PUF60: variants seen among roughly 807,000 people sequenced by gnomAD.
PUF60 encodes the protein poly(U)-binding-splicing factor PUF60.
In PUF60, 10 loss-of-function variants were observed where a neutral mutation model predicts 61.8. The ratio of observed to expected loss-of-function variants is 0.16; its 90% confidence interval spans 0.10 to 0.27. The LOEUF is 0.27. PUF60 is among the 10% of genes least tolerant of loss of function. PUF60 has a pLI of 1.00. For synonymous variants in PUF60, 353 were observed against 300.9 expected (o/e 1.17, Z -1.79); for missense variants, 371 against 754.0 (o/e 0.49, Z 5.95).
At chr8:143,820,639 C>T (rs754198605) in intron 5 of PUF60, 27 bp downstream of exon 5, 1 of 1,607,228 alleles carries the variant, frequency 6.2e-7, no homozygotes, top group South Asian at 1.1e-5. Context: ...GACATGAGCC[C>T]CGGAAGAAGT....
chr8:143,824,796 A>G (rs1031107665), intron 1 of PUF60: 1 of 238,044 alleles, frequency 4.2e-6, no homozygotes, highest in Admixed American at 5.1e-5. Context: ...ACCTGTACAC[A>G]CCTTGGCCAG....
intron 1 of PUF60, among the ~76,000 whole-genome samples, chr8:143,826,267 G>A (rs1817624623): frequency 6.6e-6 from 1 of 152,220 alleles, no homozygotes; most frequent in African/African-American, 2.4e-5. Flanking sequence ...GAGCAAAGAA[G>A]AGTATTTCCA....
Position 143,816,432 on chromosome 8 carries a change from G to A in PUF60, c.*88C>T. 1 of 1,433,780 alleles carries A rather than the reference G, an allele frequency of 7.0e-7. No individual in the cohort carries two copies. Among genetic ancestry groups the A allele is most frequent in the Non-Finnish European group, 9.4e-7 (1 of 1,068,762 alleles). 88.8% of individuals were successfully genotyped at this position (1,433,780 alleles called of 1,614,324 possible). On this transcript the variant is annotated 3_prime_UTR_variant, in exon 12 of 12. Coordinates refer to ENST00000526683, the MANE Select transcript of PUF60 (RefSeq NM_078480.3). ...CGCACTGTAGGCTGGGCTGGGCAGA[G>A]CGCGCCTGGCCCCGGGGACACCACT...
At position 143,816,378 on chromosome 8, in the gene PUF60, T is replaced by C. The variant is rs1363980304; in HGVS notation, c.*142A>G. ...GGACCGACGGCAGACACACGGACGT[T>C]CAGGGCCAGCAGCATCCGCACCTTT... On this transcript the variant is annotated 3_prime_UTR_variant, in exon 12 of 12. Coordinates refer to ENST00000526683, the MANE Select transcript of PUF60 (RefSeq NM_078480.3). 5.3e-6 allele frequency: 5 copies of C among 949,878 alleles called. No individual in the cohort carries two copies. The East Asian group carries it at 7.9e-5, about 15-fold the overall frequency. 58.8% of individuals were successfully genotyped at this position (949,878 alleles called of 1,614,324 possible). A position where few individuals can be genotyped will look rare whatever the true frequency, so the allele number is the denominator to read the frequency against.
Position 143,824,088 on chromosome 8 carries a change from G to A in PUF60, c.111+225C>T, listed in dbSNP as rs1043581515. ...GTGCTTGGAGCAGGGCAGATGCAGA[G>A]GGCAAAGGCCAGCTCAGTGCCTGGG... is the stretch of plus-strand genomic sequence containing the variant. On this transcript the variant is annotated intron_variant, in intron 2 of 11. Transcript: ENST00000526683. Among the ~76,000 whole-genome samples, 19 of 152,250 alleles carry A rather than the reference G, an allele frequency of 1.2e-4. 1 individual carries two copies. The highest frequency in any genetic ancestry group is 4.8e-5 in the African/African-American group (2 of 41,464).
At position 143,818,567 on chromosome 8, in the gene PUF60, C is replaced by A; in HGVS notation, c.349-33G>T. 1 of 1,540,778 alleles carries A rather than the reference C, an allele frequency of 6.5e-7. No homozygotes were observed. The highest frequency in any genetic ancestry group is 1.2e-5 in the South Asian group (1 of 83,764). ...AGGACAGAGGGGAGAGAACCGCTGG[C>A]TCGTCAGGGGCGGCAGGAAGCTGGG... is the stretch of plus-strand genomic sequence containing the variant. On this transcript the variant is annotated intron_variant, in intron 5 of 11. Coordinates refer to ENST00000526683, the MANE Select transcript of PUF60 (RefSeq NM_078480.3). This position sits in a 1 kb window ranked among gnomAD's most constrained non-coding sequence, Gnocchi z 7.9.
chr8:143,824,151 G>C (rs540303262), intron 2 of PUF60, among the ~76,000 whole-genome samples, 162 bp downstream of exon 2: 1 of 152,236 alleles, frequency 6.6e-6, no homozygotes, highest in African/African-American at 2.4e-5. Context: ...AGAGGGCCGT[G>C]GTCCTGCGGG....
At chr8:143,822,781 C>G (rs1817169509) in intron 2 of PUF60, 2 of 346,094 alleles carry the variant, frequency 5.8e-6, no homozygotes, top group African/African-American at 2.1e-5. Context: ...GCATGGCTAG[C>G]AGGCCCATCA....
chr8:143,817,565 C>G lies in PUF60; in HGVS notation c.1008+27G>C. 6.2e-7 allele frequency: 1 copy of G among 1,609,736 alleles called. No homozygotes were observed. The highest frequency in any genetic ancestry group is 8.5e-7 in the Non-Finnish European group (1 of 1,179,148). ...AATCAGGGGCCAGCCCGCCCACCCT[C>G]AAGCCGACAGCTGTGTGGGCCCTCA... is the stretch of plus-strand genomic sequence containing the variant. On this transcript the variant is annotated intron_variant, in intron 9 of 11. Coordinates refer to ENST00000526683, the MANE Select transcript of PUF60 (RefSeq NM_078480.3). The surrounding 1 kb of genome is among the most constrained non-coding windows in gnomAD (Gnocchi z 7.4).
intron 1 of PUF60, chr8:143,827,405 C>T (rs1468721817): frequency 2.2e-6 from 1 of 456,286 alleles, no homozygotes. Context: ...AAGAGGCAGC[C>T]GGCCTCATTC....
At chr8:143,823,397 G>C (rs1817247188) in intron 2 of PUF60, 1 of 152,542 alleles carries the variant, frequency 6.6e-6, no homozygotes, top group Admixed American at 6.5e-5. Flanking sequence ...GCTGGGACTT[G>C]AGAGCAGGCT....
intron 1 of PUF60, chr8:143,829,073 GT>G (rs1159973532): frequency 3.0e-5 from 32 of 1,062,070 alleles, no homozygotes; most frequent in Non-Finnish European, 3.5e-5. Flanking sequence ...GGAAGCTGGG[GT>G]CCGCAGGCCG....
In PUF60 at chr8:143,829,265, G is replaced by T. The variant is rs373326396; in HGVS notation, c.24+15C>A. 6.9e-5 allele frequency: 87 copies of T among 1,256,830 alleles called. No individual in the cohort carries two copies. The African/African-American group carries it at 1.2e-3, about 18-fold the overall frequency. The allele number at this position is 1,256,830 out of a possible 1,614,324, so 77.9% of individuals were successfully genotyped here. A position where few individuals can be genotyped will look rare whatever the true frequency, so the allele number is the denominator to read the frequency against. On this transcript the variant is annotated intron_variant, in intron 1 of 11. Coordinates refer to ENST00000526683, the MANE Select transcript of PUF60 (RefSeq NM_078480.3). ...AAGCCGAGGGCCGCCCGCGCTCATGGGGGGGCTCACTTACGAGAGCTATGG... is the reference window on the plus strand; with the variant it reads ...AAGCCGAGGGCCGCCCGCGCTCATGTGGGGGCTCACTTACGAGAGCTATGG...
rs770149961 is a variant in PUF60 at position 143,817,086 on chromosome 8, G to A, written c.1204C>T (p.Pro402Ser). 2 of 1,611,260 alleles carry A rather than the reference G, an allele frequency of 1.2e-6. No homozygotes were observed. Among genetic ancestry groups the A allele is most frequent in the South Asian group, 2.2e-5 (2 of 90,710 alleles). ...AGCGTTGGAGGGCTGGCCAGGATGG[G>A]GTTCACCACTCCCACCGAGGGGATG... is the stretch of plus-strand genomic sequence containing the variant. Reference protein sequence around the residue: ...VTIPSVGVVNPILASPPTLGL... With the variant: ...VTIPSVGVVNSILASPPTLGL... Residue 402 changes from proline to serine, a missense_variant, in exon 11 of 12, where the codon CCC becomes TCC. Coordinates refer to ENST00000526683, the MANE Select transcript of PUF60 (RefSeq NM_078480.3). The surrounding 1 kb of genome is among the most constrained non-coding windows in gnomAD (Gnocchi z 7.4).
chr8:143,819,492 G>A (rs983469374), intron 5 of PUF60, among the ~76,000 whole-genome samples: 14 of 152,276 alleles, frequency 9.2e-5, no homozygotes, highest in Middle Eastern at 3.4e-3. Context: ...CTCCACAAAA[G>A]GCCTTGTGGC....
chr8:143,820,792 C>T, intron 4 of PUF60, 76 bp from the exon 5 acceptor site: 1 of 1,415,518 alleles, frequency 7.1e-7, no homozygotes, highest in Non-Finnish European at 1.0e-6. Flanking sequence ...CTCACGCAGA[C>T]AGCGGCAAGG....
chr8:143,819,793 G>T (rs1816806553), intron 5 of PUF60, among the ~76,000 whole-genome samples: 1 of 152,004 alleles, frequency 6.6e-6, no homozygotes. Context: ...CTCAGGTCAT[G>T]GTTCCCCCAA....
Position 143,818,295 on chromosome 8 carries a change from G to A in PUF60, c.511-10C>T, listed in dbSNP as rs1423410169. ...CCACGAAGGCAAAGCCCTAGACACA[G>A]GGACACACCTGTCAGGCTGCGCGAG... On this transcript the variant is annotated splice_polypyrimidine_tract_variant and intron_variant, in intron 6 of 11. Coordinates refer to ENST00000526683, the MANE Select transcript of PUF60 (RefSeq NM_078480.3). The surrounding 1 kb of genome is among the most constrained non-coding windows in gnomAD (Gnocchi z 7.9). 5.0e-6 allele frequency: 8 copies of A among 1,607,046 alleles called. No individual in the cohort carries two copies. Among genetic ancestry groups the A allele is most frequent in the African/African-American group, 4.0e-5 (3 of 74,860 alleles).
chr8:143,821,314 G>A lies in PUF60; in HGVS notation c.297+283C>T. 7.0e-6 allele frequency: 4 copies of A among 572,582 alleles called. No individual in the cohort carries two copies. The South Asian group carries it at 8.2e-5, about 12-fold the overall frequency. 35.5% of individuals were successfully genotyped at this position (572,582 alleles called of 1,614,324 possible). A position where few individuals can be genotyped will look rare whatever the true frequency, so the allele number is the denominator to read the frequency against. ...GGCAGGGAGCACGGGAGAGACCAGA[G>A]GCCACAGTGTGAAGACCAGGAAGGG... On this transcript the variant is annotated intron_variant, in intron 4 of 11. Transcript: ENST00000526683.
Sources: gnomAD v4.1 joint callset for allele counts (sites outside exome capture counted in the v4.1 genomes callset) on GRCh38, gnomAD v4.1.1 for gene constraint, Gnocchi (gnomAD v3.1) non-coding constraint, MANE v1.5 for transcripts, NCBI Gene and HGNC (gene_info 2026-07-23, HGNC 2026-07-21) for gene names.